PBX4: variants seen among roughly 807,000 people sequenced by gnomAD.
The protein encoded by PBX4 is PBX homeobox 4.
Under a neutral mutation model 35.1 loss-of-function variants are expected in PBX4, and 26 were observed. The observed-to-expected ratio is 0.74, with a 90% CI of 0.54 to 1.03. The LOEUF is 1.03. PBX4 is among the 50% of genes least tolerant of loss of function. PBX4 has a pLI of 0.00. For synonymous variants in PBX4, 199 were observed against 204.2 expected, an observed-to-expected ratio of 0.97 and a Z score of 0.22; for missense variants, 448 against 504.3, an observed-to-expected ratio of 0.89 and a Z score of 1.07.
intron 1 of PBX4, among the ~76,000 whole-genome samples, chr19:19,605,285 G>A (rs932165473): frequency 5.3e-5 from 8 of 151,074 alleles, no homozygotes; most frequent in East Asian, 1.9e-4. Context: ...GCATGGTGGC[G>A]CGCACCTGTA....
chr19:19,573,696 C>G (rs2061401409), intron 2 of PBX4, among the ~76,000 whole-genome samples: 1 of 151,892 alleles, frequency 6.6e-6, no homozygotes, highest in Non-Finnish European at 1.5e-5. Flanking sequence ...ATGATAGAAC[C>G]ATAAAATAAA....
chr19:19,582,337 C>T (rs2061460204), intron 2 of PBX4, among the ~76,000 whole-genome samples: 1 of 152,190 alleles, frequency 6.6e-6, no homozygotes, highest in South Asian at 2.1e-4. Flanking sequence ...GCCTGCCACG[C>T]CCCACATCTT....
chr19:19,607,903 A>G (rs1311498826), intron 1 of PBX4, among the ~76,000 whole-genome samples: 1 of 152,210 alleles, frequency 6.6e-6, no homozygotes, highest in Non-Finnish European at 1.5e-5. Flanking sequence ...CAATGATTCT[A>G]ACACCTTAAC....
intron 2 of PBX4, among the ~76,000 whole-genome samples, chr19:19,595,264 A>G (rs1005725902): frequency 3.9e-5 from 6 of 152,090 alleles, no homozygotes; most frequent in African/African-American, 1.4e-4. Context: ...ACACAATTCC[A>G]CAATACTAAG....
rs139249988 is a variant in PBX4, at chr19:19,582,857, C to G, written c.194-12024G>C. Among the ~76,000 whole-genome samples the G allele has an allele frequency of 8.2e-4, 125 of 152,358 alleles. 1 individual carries two copies. Among genetic ancestry groups the G allele is most frequent in the African/African-American group, 2.9e-3 (119 of 41,600 alleles). On this transcript the variant is annotated intron_variant, in intron 2 of 7. Transcript: ENST00000251203. ...GTGGGGTTGGAGACCACGTTCCCCCCACCTGTCTGACTGCATGCTCCCCCT... is the reference window on the plus strand; with the variant it reads ...GTGGGGTTGGAGACCACGTTCCCCCGACCTGTCTGACTGCATGCTCCCCCT...
rs536930319 is a variant in PBX4 at position 19,570,668 on chromosome 19, T to C, written c.359A>G (p.Asn120Ser). ...CCTGTAGTCAGAGTGCTCAATGCTA[T>C]TGTCATTTGGACAGCCACCTGGTGT... ...TATPGGCPND[N>S]SIEHSDYRAK... Residue 120 changes from asparagine (N) to serine (S), a missense_variant, in exon 3 of 8, where the codon AAT becomes AGT. Physicochemically the swap from Asn to Ser is conservative, Grantham distance 46. Transcript: ENST00000251203. The C allele has an allele frequency of 6.8e-6, 11 of 1,614,174 alleles. No individual in the cohort carries two copies. In the South Asian group the frequency reaches 9.9e-5, roughly 15 times the overall value.
chr19:19,584,281 C>G (rs925630204), intron 2 of PBX4, among the ~76,000 whole-genome samples: 2 of 152,140 alleles, frequency 1.3e-5, no homozygotes, highest in African/African-American at 4.8e-5. Context: ...ATAGAAAGAA[C>G]CTTCCTTAAC....
rs2061613946 is a variant in PBX4, at chr19:19,604,016, CT to C, written c.120-4652del. Among the ~76,000 whole-genome samples, 9 of 150,780 alleles carry C rather than the reference CT, an allele frequency of 6.0e-5. No homozygotes were observed. The South Asian group carries it at 1.9e-3, about 31-fold the overall frequency. On this transcript the variant is annotated intron_variant, in intron 1 of 7. Transcript: ENST00000251203. ...CATGTAGCAGAACTTCTGTGAACAA[CT>C]TTGATGAGTACTATGCTATTAACAT...
intron 2 of PBX4, among the ~76,000 whole-genome samples, chr19:19,578,091 G>A (rs1462550532): frequency 6.7e-6 from 1 of 149,270 alleles, no homozygotes; most frequent in Non-Finnish European, 1.5e-5. Flanking sequence ...TTGGGAGGCT[G>A]AGGCAGGAGA....
intron 1 of PBX4, 32 bp from the exon 2 acceptor site, chr19:19,599,397 A>C: frequency 6.4e-7 from 1 of 1,566,868 alleles, no homozygotes; most frequent in Non-Finnish European, 8.8e-7. Context: ...AGGGTGTGAG[A>C]AAAGAATAGT....
intron 2 of PBX4, among the ~76,000 whole-genome samples, chr19:19,572,913 G>A (rs1428429317): frequency 7.6e-6 from 1 of 132,000 alleles, no homozygotes; most frequent in Non-Finnish European, 1.7e-5. Flanking sequence ...AGTTTATTAA[G>A]CACACATGCA....
intron 2 of PBX4, among the ~76,000 whole-genome samples, chr19:19,592,023 G>A (rs1169436668): frequency 6.6e-6 from 1 of 152,072 alleles, no homozygotes; most frequent in African/African-American, 2.4e-5. Context: ...ACCATGCCCA[G>A]CTAGTTTTTG....
At chr19:19,564,435 T>C (rs9676775) in intron 6 of PBX4, among the ~76,000 whole-genome samples, 6,956 of 152,156 alleles carry the variant, frequency 0.046, 542 homozygotes, top group African/African-American at 0.16. Flanking sequence ...CTATTGTGAA[T>C]TGTATTTTTA....
chr19:19,592,690 G>C (rs2061536329), intron 2 of PBX4, among the ~76,000 whole-genome samples: 1 of 152,196 alleles, frequency 6.6e-6, no homozygotes, highest in South Asian at 2.1e-4. Flanking sequence ...AGGGATTTCA[G>C]TTAGTATGTA....
At chr19:19,596,947 C>T (rs542589237) in intron 2 of PBX4, among the ~76,000 whole-genome samples, 34 of 149,758 alleles carry the variant, frequency 2.3e-4, no homozygotes, top group Admixed American at 8.0e-4. Flanking sequence ...TGATGGCTCA[C>T]GCCTGTAATC....
At chr19:19,575,000 C>T (rs982629245) in intron 2 of PBX4, among the ~76,000 whole-genome samples, 4 of 151,898 alleles carry the variant, frequency 2.6e-5, no homozygotes, top group Non-Finnish European at 5.9e-5. Flanking sequence ...ACTCAATTTT[C>T]TAACAATCTT....
At chr19:19,607,663 G>A (rs2061639370) in intron 1 of PBX4, among the ~76,000 whole-genome samples, 1 of 152,140 alleles carries the variant, frequency 6.6e-6, no homozygotes, top group Non-Finnish European at 1.5e-5. Context: ...TTGTATAAGG[G>A]CTAAGGAACA....
chr19:19,605,449 C>CAATAACAAT (rs1568397412), intron 1 of PBX4, among the ~76,000 whole-genome samples: 1 of 90,416 alleles, frequency 1.1e-5, no homozygotes, highest in African/African-American at 4.6e-5. Context: ...ATAATAATAA[C>CAATAACAAT]AATAATAATA....
At chr19:19,573,012 C>T (rs2061395210) in intron 2 of PBX4, among the ~76,000 whole-genome samples, 1 of 149,940 alleles carries the variant, frequency 6.7e-6, no homozygotes, top group African/African-American at 2.5e-5. Flanking sequence ...GTGCTTAATA[C>T]AGGATAGTGT....
Sources: allele counts gnomAD v4.1 joint callset (sites outside exome capture counted in the v4.1 genomes callset), GRCh38; gene constraint gnomAD v4.1.1; transcripts MANE v1.5; gene names NCBI Gene and HGNC (gene_info 2026-07-23, HGNC 2026-07-21).